Variants in CNR1 observed in about 807,000 individuals in gnomAD.
CNR1 encodes the protein cannabinoid receptor 1 (brain).
A neutral mutation model predicts 23.0 loss-of-function variants in CNR1; 10 were observed. That is an observed-to-expected ratio of 0.43 (90% CI 0.27 to 0.74). The LOEUF (loss-of-function observed/expected upper bound fraction) is 0.74. Ranked by LOEUF, CNR1 falls within the 30% of genes least tolerant of loss-of-function variation. CNR1 has a pLI of 0.19. For missense variants in CNR1, 422 were observed against 618.8 expected (o/e 0.68, Z 3.37); for synonymous variants, 271 against 255.2 (o/e 1.06, Z -0.59).
chr6:88,149,676 C>T (rs1053232345), intron 1 of CNR1, among the ~76,000 whole-genome samples: 1 of 152,164 alleles, frequency 6.6e-6, no homozygotes, highest in Non-Finnish European at 1.5e-5. Flanking sequence ...TCACCTTGTC[C>T]CTTCTTTTAT....
At chr6:88,166,732 C>G (rs1325138841), upstream of CNR1, among the ~76,000 whole-genome samples, 2 of 152,180 alleles carry the variant, frequency 1.3e-5, no homozygotes, top group African/African-American at 4.8e-5. Context: ...CACACGCTCC[C>G]GGGCAGCGCG....
In CNR1 at chr6:88,144,488, C is replaced by G; in HGVS notation, c.787G>C (p.Val263Leu). ...LGWNCEKLQS[V>L]CSDIFPHIDE... ...ATGTGTGGGAAAATGTCTGAGCAAA[C>G]AGATTGCAGTTTCTCGCAGTTCCAG... is the stretch of plus-strand genomic sequence containing the variant. Residue 263 changes from valine (V) to leucine (L), a missense_variant, in exon 2 of 2, where the codon GTT becomes CTT. By Grantham distance (32) the Val-to-Leu change is conservative. Coordinates refer to ENST00000369501, the MANE Select transcript of CNR1 (RefSeq NM_016083.6). This position sits in a 1 kb window ranked among gnomAD's most constrained non-coding sequence, Gnocchi z 7.8. 1 of 1,614,220 alleles carries G rather than the reference C, an allele frequency of 6.2e-7. No individual in the cohort carries two copies. Among genetic ancestry groups the G allele is most frequent in the Non-Finnish European group, 8.5e-7 (1 of 1,180,046 alleles).
chr6:88,155,927 C>T (rs1278596105), intron 1 of CNR1, among the ~76,000 whole-genome samples: 1 of 152,126 alleles, frequency 6.6e-6, no homozygotes, highest in Non-Finnish European at 1.5e-5. Flanking sequence ...CAGTGAGACA[C>T]GAATAGGGCA....
In CNR1 at chr6:88,144,303, A is replaced by C; in HGVS notation, c.972T>G (p.Asp324Glu). 1 of 1,612,418 alleles carries C rather than the reference A, an allele frequency of 6.2e-7. No individual in the cohort carries two copies. Among genetic ancestry groups the C allele is most frequent in the Non-Finnish European group, 8.5e-7 (1 of 1,179,988 alleles). ...QKSIIIHTSE[D>E]GKVQVTRPDQ... ...CTGGCCGGGTCACCTGTACCTTCCC[A>C]TCCTCAGACGTGTGGATGATGATGC... The change falls in exon 2 of 2, where the codon GAT becomes GAG. Residue 324 changes from aspartate to glutamate, a missense_variant. Coordinates refer to ENST00000369501, the MANE Select transcript of CNR1 (RefSeq NM_016083.6). This position sits in a 1 kb window ranked among gnomAD's most constrained non-coding sequence, Gnocchi z 7.8.
chr6:88,149,950 C>G (rs59543696), intron 1 of CNR1, among the ~76,000 whole-genome samples: 110 of 152,346 alleles, frequency 7.2e-4, no homozygotes, highest in African/African-American at 2.5e-3. Flanking sequence ...GGAGAGCAGA[C>G]AGCTGAGTTC....
intron 1 of CNR1, among the ~76,000 whole-genome samples, chr6:88,159,977 A>G (rs1778002192): frequency 6.6e-6 from 1 of 152,202 alleles, no homozygotes. Flanking sequence ...TAGTACCTAA[A>G]TGATCTTTTT....
chr6:88,164,256 C>T (rs1354160097), intron 1 of CNR1: 2 of 152,358 alleles, frequency 1.3e-5, no homozygotes, highest in African/African-American at 4.8e-5. Flanking sequence ...TTGATACATA[C>T]CTCAGCCAAG....
Position 88,143,235 on chromosome 6 carries a change from G to C in CNR1, c.*621C>G, listed in dbSNP as rs1582319569. 6.6e-6 allele frequency: 1 copy of C among 152,436 alleles called. No individual in the cohort carries two copies. The highest frequency in any genetic ancestry group is 2.4e-5 in the African/African-American group (1 of 41,430). The allele number at this position is 152,436 out of a possible 1,614,324, so 9.4% of individuals were successfully genotyped here. On this transcript the variant is annotated 3_prime_UTR_variant, in exon 2 of 2. Coordinates refer to ENST00000369501, the MANE Select transcript of CNR1 (RefSeq NM_016083.6). Reference sequence around the variant, plus strand: ...GTTATTTCAGTGTCAAAATTAAATAGAGATATTTGAAGAAATATTAAGGTT... The same window carrying C: ...GTTATTTCAGTGTCAAAATTAAATACAGATATTTGAAGAAATATTAAGGTT...
intron 1 of CNR1, among the ~76,000 whole-genome samples, chr6:88,147,320 C>A (rs957178964): frequency 2.0e-5 from 3 of 151,934 alleles, no homozygotes; most frequent in Non-Finnish European, 2.9e-5. Flanking sequence ...AAAAAAGAGT[C>A]CTTGCCCGCA....
At chr6:88,155,082 G>T (rs1777724725) in intron 1 of CNR1, among the ~76,000 whole-genome samples, 1 of 152,190 alleles carries the variant, frequency 6.6e-6, no homozygotes, top group South Asian at 2.1e-4. Context: ...TACTTTTGCA[G>T]TTCATTATCA....
rs1380091421 is a variant in CNR1 at position 88,142,607 on chromosome 6, T to C, written c.*1249A>G. On this transcript the variant is annotated 3_prime_UTR_variant, in exon 2 of 2. Transcript: ENST00000369501. ...GGGATGGGGTGAAATTTTTGAATGG[T>C]TGGAGTCAGTATTTTTATCAACAAG... 1 of 152,460 alleles carries C rather than the reference T, an allele frequency of 6.6e-6. No homozygotes were observed. The highest frequency in any genetic ancestry group is 1.9e-4 in the East Asian group (1 of 5,338). The allele number at this position is 152,460 out of a possible 1,614,324, so 9.4% of individuals were successfully genotyped here.
At chr6:88,154,382 C>T (rs1452550936) in intron 1 of CNR1, among the ~76,000 whole-genome samples, 7 of 152,164 alleles carry the variant, frequency 4.6e-5, no homozygotes, top group Non-Finnish European at 1.0e-4. Flanking sequence ...GGGTTAGGAA[C>T]TACGTGGTGA....
intron 1 of CNR1, among the ~76,000 whole-genome samples, chr6:88,148,457 T>C (rs571591444): frequency 2.0e-5 from 3 of 151,656 alleles, no homozygotes; most frequent in African/African-American, 7.3e-5. Flanking sequence ...AGGCTCCAAA[T>C]AAGCTGGTTG....
At chr6:88,151,455 A>T (rs2127842423) in intron 1 of CNR1, among the ~76,000 whole-genome samples, 1 of 152,334 alleles carries the variant, frequency 6.6e-6, no homozygotes, top group Middle Eastern at 3.4e-3. Flanking sequence ...TTGGGCAATC[A>T]GTCTTTCTAA....
In CNR1 at chr6:88,143,198, T is replaced by C. The variant is rs886534705; in HGVS notation, c.*658A>G. Reference sequence around the variant, plus strand: ...TCTTCTTGTTGAGGTAACAGAAAAATAAACCTTTACGGTTATTTCAGTGTC... The same window carrying C: ...TCTTCTTGTTGAGGTAACAGAAAAACAAACCTTTACGGTTATTTCAGTGTC... On this transcript the variant is annotated 3_prime_UTR_variant, in exon 2 of 2. Coordinates refer to ENST00000369501, the MANE Select transcript of CNR1 (RefSeq NM_016083.6). The C allele has an allele frequency of 6.6e-6, 1 of 152,398 alleles. No individual in the cohort carries two copies. The highest frequency in any genetic ancestry group is 2.4e-5 in the African/African-American group (1 of 41,466). 9.4% of individuals were successfully genotyped at this position (152,398 alleles called of 1,614,324 possible). A position where few individuals can be genotyped will look rare whatever the true frequency, so the allele number is the denominator to read the frequency against.
At position 88,141,999 on chromosome 6, in the gene CNR1, T is replaced by C. The variant is rs1473980127; in HGVS notation, c.*1857A>G. 6.6e-6 allele frequency: 1 copy of C among 152,342 alleles called. No homozygotes were observed. Among genetic ancestry groups the C allele is most frequent in the Non-Finnish European group, 1.5e-5 (1 of 68,046 alleles). 9.4% of individuals were successfully genotyped at this position (152,342 alleles called of 1,614,324 possible). A position where few individuals can be genotyped will look rare whatever the true frequency, so the allele number is the denominator to read the frequency against. ...GTAGATTCTTCAGCAATATCATTCC[T>C]TACTGGAAAAAGGCCCAACAAGCAC... On this transcript the variant is annotated 3_prime_UTR_variant, in exon 2 of 2. Coordinates refer to ENST00000369501, the MANE Select transcript of CNR1 (RefSeq NM_016083.6).
Position 88,142,747 on chromosome 6 carries a change from C to T in CNR1, c.*1109G>A, listed in dbSNP as rs1776892506. 1 of 152,568 alleles carries T rather than the reference C, an allele frequency of 6.6e-6. No individual in the cohort carries two copies. The highest frequency in any genetic ancestry group is 1.5e-5 in the Non-Finnish European group (1 of 68,038). 9.5% of individuals were successfully genotyped at this position (152,568 alleles called of 1,614,324 possible). ...CTTTATGACATTACTGTAACAGTTA[C>T]AGGACAGAAACACACATACACACAT... On this transcript the variant is annotated 3_prime_UTR_variant, in exon 2 of 2. Transcript: ENST00000369501.
intron 1 of CNR1, among the ~76,000 whole-genome samples, chr6:88,161,485 A>C (rs1373237628): frequency 6.6e-6 from 1 of 152,242 alleles, no homozygotes; most frequent in African/African-American, 2.4e-5. Flanking sequence ...AATACTTCAA[A>C]TATATGGAAA....
Position 88,143,486 on chromosome 6 carries a change from G to C in CNR1, c.*370C>G, listed in dbSNP as rs367744555. Reference sequence around the variant, plus strand: ...TAAAAATGGACATCTCTGATACTACGGACAGTTACATTTCACATTATAGTG... The same window carrying C: ...TAAAAATGGACATCTCTGATACTACCGACAGTTACATTTCACATTATAGTG... On this transcript the variant is annotated 3_prime_UTR_variant, in exon 2 of 2. Coordinates refer to ENST00000369501, the MANE Select transcript of CNR1 (RefSeq NM_016083.6). The C allele has an allele frequency of 2.0e-5, 4 of 198,382 alleles. No homozygotes were observed. The highest frequency in any genetic ancestry group is 4.1e-5 in the Non-Finnish European group (4 of 96,634). 12.3% of individuals were successfully genotyped at this position (198,382 alleles called of 1,614,324 possible).
Sources: allele counts gnomAD v4.1 joint callset (sites outside exome capture counted in the v4.1 genomes callset), GRCh38; gene constraint gnomAD v4.1.1; non-coding constraint Gnocchi (gnomAD v3.1); transcripts MANE v1.5; gene names NCBI Gene and HGNC (gene_info 2026-07-23, HGNC 2026-07-21).